The following ADAMTSL1 variants were observed in gnomAD, a reference collection of about 807,000 sequenced individuals.
The protein encoded by ADAMTSL1 is ADAMTS-like protein 1.
Under a neutral mutation model 201.8 loss-of-function variants are expected in ADAMTSL1, and 126 were observed. The ratio of observed to expected loss-of-function variants is 0.62; its 90% CI spans 0.54 to 0.72. The LOEUF (loss-of-function observed/expected upper bound fraction) is 0.72. Ranked by LOEUF, ADAMTSL1 falls within the 30% of genes least tolerant of loss-of-function variation. The pLI is 0.00. For synonymous variants in ADAMTSL1, 1,121 were observed against 903.4 expected (o/e 1.24, Z -4.32); for missense variants, 2,679 against 2,277.8 (o/e 1.18, Z -3.59).
intron 2 of ADAMTSL1, among the ~76,000 whole-genome samples, chr9:18,395,048 C>T (rs890073552): frequency 2.0e-5 from 3 of 152,060 alleles, no homozygotes; most frequent in African/African-American, 7.2e-5. Context: ...ATTTGATGTC[C>T]CAACTTGGTA....
At chr9:18,470,190 C>T (rs577805822), upstream of ADAMTSL1, among the ~76,000 whole-genome samples, 1 of 152,224 alleles carries the variant, frequency 6.6e-6, no homozygotes, top group South Asian at 2.1e-4. Flanking sequence ...GGACTGGTTT[C>T]CTCATCTGCA....
intron 1 of ADAMTSL1, among the ~76,000 whole-genome samples, chr9:18,134,222 T>C (rs1826065088): frequency 1.3e-5 from 2 of 152,160 alleles, no homozygotes; most frequent in Admixed American, 1.3e-4. Context: ...AAGGTTTTAG[T>C]GTGAAGATGT....
At position 18,677,720 on chromosome 9, in the gene ADAMTSL1, A is replaced by G. The variant is rs137935669; in HGVS notation, c.1136+1813A>G. Among the ~76,000 whole-genome samples, 113 of 152,204 alleles carry G rather than the reference A, an allele frequency of 7.4e-4. 1 individual carries two copies. The highest frequency in any genetic ancestry group is 2.6e-3 in the African/African-American group (109 of 41,562). On this transcript the variant is annotated intron_variant, in intron 10 of 28. Coordinates refer to ENST00000380548, the MANE Select transcript of ADAMTSL1 (RefSeq NM_001040272.6). ...AATGCCTAAATCCCAATGGTATATTAAAACGATCCTCCTGGGTGTGTGTTT... is the reference window on the plus strand; with the variant it reads ...AATGCCTAAATCCCAATGGTATATTGAAACGATCCTCCTGGGTGTGTGTTT...
chr9:18,595,172 A>G (rs1246770921), intron 4 of ADAMTSL1, among the ~76,000 whole-genome samples: 1 of 152,214 alleles, frequency 6.6e-6, no homozygotes, highest in African/African-American at 2.4e-5. Flanking sequence ...AACTGAGTGC[A>G]GAAGACTATC....
chr9:18,503,598 A>G (rs1822962299), intron 1 of ADAMTSL1, among the ~76,000 whole-genome samples: 1 of 152,024 alleles, frequency 6.6e-6, no homozygotes. Context: ...TAAGAAAACT[A>G]AAGCATATGA....
intron 2 of ADAMTSL1, among the ~76,000 whole-genome samples, chr9:18,511,623 A>C (rs993086288): frequency 5.9e-5 from 9 of 152,322 alleles, no homozygotes; most frequent in Non-Finnish European, 1.3e-4. Flanking sequence ...GTCTTAGTCC[A>C]CAGGAATAGG....
chr9:18,516,029 G>C (rs1293170556), intron 2 of ADAMTSL1, among the ~76,000 whole-genome samples: 1 of 146,310 alleles, frequency 6.8e-6, no homozygotes, highest in African/African-American at 2.5e-5. Flanking sequence ...GAGTTGAGTT[G>C]AGTTTTCCAT....
intron 2 of ADAMTSL1, among the ~76,000 whole-genome samples, chr9:18,229,314 A>G (rs1418712346): frequency 6.6e-6 from 1 of 152,124 alleles, no homozygotes; most frequent in African/African-American, 2.4e-5. Flanking sequence ...TGCAGGAATT[A>G]GGACGTTTCT....
chr9:17,924,140 A>C (rs1318175715), intron 1 of ADAMTSL1, among the ~76,000 whole-genome samples: 3 of 150,376 alleles, frequency 2.0e-5, no homozygotes, highest in South Asian at 2.1e-4. Flanking sequence ...CTGGCCTCAT[A>C]AAATGAGTTT....
chr9:18,308,758 C>G (rs578128853), intron 2 of ADAMTSL1, among the ~76,000 whole-genome samples: 3 of 152,116 alleles, frequency 2.0e-5, no homozygotes, highest in Non-Finnish European at 4.4e-5. Context: ...ACCAGAGGTA[C>G]AAAGAGGAGC....
At chr9:18,336,249 G>C (rs750477743) in intron 2 of ADAMTSL1, among the ~76,000 whole-genome samples, 7 of 151,842 alleles carry the variant, frequency 4.6e-5, no homozygotes, top group Non-Finnish European at 1.0e-4. Flanking sequence ...AATTTAAGTA[G>C]CTTGTAAAGA....
chr9:18,657,686 T>C lies in ADAMTSL1; in HGVS notation c.882T>C (p.Tyr294=), dbSNP rs764835876. The change falls in exon 8 of 29, where the codon TAT becomes TAC. Residue 294 remains tyrosine (Y), a synonymous_variant. Coordinates refer to ENST00000380548, the MANE Select transcript of ADAMTSL1 (RefSeq NM_001040272.6). ...SADSTVQFIF[Y]QPIIHRWRET... ...ACAGTACAGTCCAGTTCATCTTCTATCAACCCATCATCCACCGATGGAGGG... is the reference window on the plus strand; with the variant it reads ...ACAGTACAGTCCAGTTCATCTTCTACCAACCCATCATCCACCGATGGAGGG... The C allele has an allele frequency of 6.2e-7, 1 of 1,614,246 alleles. No individual in the cohort carries two copies. The highest frequency in any genetic ancestry group is 8.5e-7 in the Non-Finnish European group (1 of 1,180,042).
chr9:18,581,696 G>C (rs192385768), intron 4 of ADAMTSL1, among the ~76,000 whole-genome samples: 21 of 152,242 alleles, frequency 1.4e-4, no homozygotes, highest in Admixed American at 8.5e-4. Flanking sequence ...AGCAGAAGCA[G>C]ATTCCCATTC....
intron 4 of ADAMTSL1, among the ~76,000 whole-genome samples, chr9:18,584,846 T>C (rs1327014271): frequency 6.6e-6 from 1 of 152,078 alleles, no homozygotes; most frequent in Middle Eastern, 3.2e-3. Flanking sequence ...AGCAAGAAGG[T>C]CCTCACCAAA....
At chr9:18,589,754 A>G (rs924577255) in intron 4 of ADAMTSL1, among the ~76,000 whole-genome samples, 1 of 152,026 alleles carries the variant, frequency 6.6e-6, no homozygotes, top group Non-Finnish European at 1.5e-5. Context: ...TCTATACCCA[A>G]TTTGTTGAGG....
chr9:17,940,606 T>C (rs1186604144), intron 1 of ADAMTSL1, among the ~76,000 whole-genome samples: 1 of 151,400 alleles, frequency 6.6e-6, no homozygotes, highest in Non-Finnish European at 1.5e-5. Context: ...CATTTGGAAA[T>C]GCAAGATGGG....
rs544757137 is a variant in ADAMTSL1 at position 18,418,342 on chromosome 9, A to G, written c.208-86487A>G. On this transcript the variant is annotated intron_variant, in intron 2 of 29. Transcript: ENST00000680146. Reference sequence around the variant, plus strand: ...TCCAATCTCACTGCTTCTATTCAACATTGTACTGGGAGTCCTAGCCAATGC... The same window carrying G: ...TCCAATCTCACTGCTTCTATTCAACGTTGTACTGGGAGTCCTAGCCAATGC... 9.9e-5 allele frequency among the ~76,000 whole-genome samples: 15 copies of G among 152,278 alleles called. No individual in the cohort carries two copies. The East Asian group carries it at 2.9e-3, about 29-fold the overall frequency.
At chr9:18,413,169 A>G (rs1291903283) in intron 2 of ADAMTSL1, among the ~76,000 whole-genome samples, 15 of 126,158 alleles carry the variant, frequency 1.2e-4, no homozygotes, top group Non-Finnish European at 2.0e-4. Flanking sequence ...TTTTTTTGAG[A>G]TGGAATTTCG....
chr9:18,241,785 T>G (rs2132451570), intron 2 of ADAMTSL1, among the ~76,000 whole-genome samples: 1 of 152,142 alleles, frequency 6.6e-6, no homozygotes, highest in South Asian at 2.1e-4. Flanking sequence ...AATGGATAAC[T>G]TCTTAGAAAA....
Sources: gnomAD v4.1 joint callset for allele counts (sites outside exome capture counted in the v4.1 genomes callset) on GRCh38, gnomAD v4.1.1 for gene constraint, MANE v1.5 for transcripts, NCBI Gene and HGNC (gene_info 2026-07-23, HGNC 2026-07-21) for gene names.